IFT74: variants seen among roughly 807,000 people sequenced by gnomAD.
The protein encoded by IFT74 is intraflagellar transport 74, also known as intraflagellar transport protein 74 homolog.
Under a neutral mutation model 96.7 loss-of-function variants are expected in IFT74, and 92 were observed. The ratio of observed to expected loss-of-function variants is 0.95; its 90% CI spans 0.80 to 1.13. The LOEUF (loss-of-function observed/expected upper bound fraction) is 1.13. Among genes scored for constraint, IFT74 ranks in the 50% most tolerant of loss-of-function variants. The probability of loss-of-function intolerance (pLI) is 0.00; values close to 1 mark genes in which losing one functional copy is unlikely to be tolerated. For synonymous variants in IFT74, 223 were observed against 213.2 expected, an observed-to-expected ratio of 1.05 and a Z score of -0.40; for missense variants, 811 against 698.2, an observed-to-expected ratio of 1.16 and a Z score of -1.82.
At chr9:26,967,021 A>C (rs1460125149) in intron 2 of IFT74, among the ~76,000 whole-genome samples, 1 of 151,206 alleles carries the variant, frequency 6.6e-6, no homozygotes, top group African/African-American at 2.4e-5. Flanking sequence ...TTTTTATGCC[A>C]GTATGCTTTT....
rs866236133 is a variant in IFT74 at position 27,036,001 on chromosome 9, C to T, written c.1054+6897C>T. ...GGTCTACTGTTGGCTGGAAGCCTTA[C>T]CAATAACATAAACAGTTAACACTAT... is the stretch of plus-strand genomic sequence containing the variant. On this transcript the variant is annotated intron_variant, in intron 13 of 19. Coordinates refer to ENST00000380062, the MANE Select transcript of IFT74 (RefSeq NM_025103.4). 3.3e-5 allele frequency among the ~76,000 whole-genome samples: 5 copies of T among 152,220 alleles called. No homozygotes were observed. The South Asian group carries it at 1.0e-3, about 32-fold the overall frequency.
chr9:26,986,510 T>C (rs7045339), intron 6 of IFT74, among the ~76,000 whole-genome samples: 15,670 of 152,040 alleles, frequency 0.1, 1,894 homozygotes, highest in East Asian at 0.67. Flanking sequence ...TGAGATGAGA[T>C]TTGGCCTTGT....
At chr9:27,034,270 T>C (rs912442830) in intron 13 of IFT74, among the ~76,000 whole-genome samples, 1 of 152,222 alleles carries the variant, frequency 6.6e-6, no homozygotes, top group Non-Finnish European at 1.5e-5. Context: ...TATGTCATAA[T>C]AGAAATATAT....
At chr9:27,032,857 A>G (rs1275694924) in intron 13 of IFT74, among the ~76,000 whole-genome samples, 1 of 151,474 alleles carries the variant, frequency 6.6e-6, no homozygotes, top group Non-Finnish European at 1.5e-5. Flanking sequence ...ACAGAGCAAG[A>G]CTCCATCTCA....
intron 16 of IFT74, among the ~76,000 whole-genome samples, chr9:27,055,252 G>T (rs1391643831): frequency 6.6e-6 from 1 of 151,926 alleles, no homozygotes; most frequent in African/African-American, 2.4e-5. Context: ...TTTATAACTT[G>T]GTTTTTTCCC....
intron 19 of IFT74, chr9:27,060,943 C>T: frequency 7.6e-6 from 1 of 132,268 alleles, no homozygotes; most frequent in Middle Eastern, 5.4e-3. Flanking sequence ...GCCTGGGCGA[C>T]AGAGCAAGAC....
chr9:27,013,253 CTATT>C (rs1373246865), intron 10 of IFT74, among the ~76,000 whole-genome samples: 2 of 152,236 alleles, frequency 1.3e-5, no homozygotes, highest in South Asian at 2.1e-4. Flanking sequence ...TCTACAGTGT[CTATT>C]TATATCAGTT....
rs996725536 is a variant in IFT74, at chr9:27,065,477, T to C, written c.*2741T>C. ...TGCTGAGCAGTTTTACTAGTGAAGA[T>C]CAACATGGGAAAGTTAGCAAGTCTT... On this transcript the variant is annotated 3_prime_UTR_variant, in exon 20 of 20. Coordinates refer to ENST00000380062, the MANE Select transcript of IFT74 (RefSeq NM_025103.4). 6.6e-6 allele frequency among the ~76,000 whole-genome samples: 1 copy of C among 152,196 alleles called. No individual in the cohort carries two copies. The highest frequency in any genetic ancestry group is 2.4e-5 in the African/African-American group (1 of 41,464).
chr9:26,959,172 G>A (rs1490439673), intron 1 of IFT74, among the ~76,000 whole-genome samples: 2 of 152,074 alleles, frequency 1.3e-5, no homozygotes, highest in Non-Finnish European at 2.9e-5. Context: ...GCAGTGGCAC[G>A]ATCTCAGCTC....
At chr9:27,006,923 G>A (rs573494141) in intron 8 of IFT74, among the ~76,000 whole-genome samples, 1 of 138,186 alleles carries the variant, frequency 7.2e-6, no homozygotes, top group Admixed American at 8.2e-5. Context: ...TGCAAGCTCT[G>A]CCTCCCGGGT....
intron 1 of IFT74, among the ~76,000 whole-genome samples, chr9:26,958,734 T>C (rs887654111): frequency 6.6e-6 from 1 of 152,164 alleles, no homozygotes; most frequent in Admixed American, 6.5e-5. Context: ...TATTTGGATA[T>C]AAACACCGCA....
chr9:27,024,539 C>T (rs1219881103), intron 12 of IFT74, among the ~76,000 whole-genome samples: 1 of 152,156 alleles, frequency 6.6e-6, no homozygotes, highest in Non-Finnish European at 1.5e-5. Flanking sequence ...TCAGATCTTT[C>T]TTCTGTCATA....
intron 11 of IFT74, 21 bp downstream of exon 11, chr9:27,017,071 T>A: frequency 6.3e-7 from 1 of 1,583,268 alleles, no homozygotes. Context: ...CAAACATACT[T>A]ATTTTAAGAT....
intron 2 of IFT74, among the ~76,000 whole-genome samples, chr9:26,973,196 T>C (rs551584851): frequency 6.6e-6 from 1 of 152,278 alleles, no homozygotes; most frequent in East Asian, 1.9e-4. Flanking sequence ...GGAATTTGGC[T>C]GAGAATGGTG....
chr9:26,982,875 A>C (rs1827448650), intron 4 of IFT74, among the ~76,000 whole-genome samples: 2 of 152,132 alleles, frequency 1.3e-5, no homozygotes, highest in African/African-American at 4.8e-5. Flanking sequence ...TACAGGCGTG[A>C]GCTGCCGCAC....
chr9:26,955,578 G>T (rs761178120), upstream of IFT74, among the ~76,000 whole-genome samples: 24 of 152,110 alleles, frequency 1.6e-4, no homozygotes, highest in Non-Finnish European at 2.8e-4. Flanking sequence ...CAAATAGGGT[G>T]AGCTCAAATG....
intron 13 of IFT74, among the ~76,000 whole-genome samples, chr9:27,040,475 G>A (rs538338676): frequency 7.3e-5 from 11 of 150,864 alleles, no homozygotes; most frequent in African/African-American, 2.4e-4. Context: ...CTTGAACCTG[G>A]GAGGCGGAGG....
chr9:26,995,793 G>A (rs781253604), intron 8 of IFT74: 1 of 1,613,262 alleles, frequency 6.2e-7, no homozygotes, highest in Admixed American at 1.7e-5. Context: ...GAAGTCGTCA[G>A]TACAGTGACA....
Position 27,032,827 on chromosome 9 carries a change from C to T in IFT74, c.1054+3723C>T, listed in dbSNP as rs75416108. Among the ~76,000 whole-genome samples, 1,496 of 151,706 alleles carry T rather than the reference C, an allele frequency of 9.9e-3. 28 individuals carry two copies. Among genetic ancestry groups the T allele is most frequent in the African/African-American group, 0.034 (1,420 of 41,312 alleles). On this transcript the variant is annotated intron_variant, in intron 13 of 19. Coordinates refer to ENST00000380062, the MANE Select transcript of IFT74 (RefSeq NM_025103.4). Reference sequence around the variant, plus strand: ...GTTGCAGTAAGCCAAGATCGCGCCACTGCACTCCAGCCTTGGGCGACAGAG... The same window carrying T: ...GTTGCAGTAAGCCAAGATCGCGCCATTGCACTCCAGCCTTGGGCGACAGAG...
Sources: allele counts gnomAD v4.1 joint callset (sites outside exome capture counted in the v4.1 genomes callset), GRCh38; gene constraint gnomAD v4.1.1; transcripts MANE v1.5; gene names NCBI Gene and HGNC (gene_info 2026-07-23, HGNC 2026-07-21).